Variants in ZNG1F observed in about 807,000 individuals in gnomAD.
The protein encoded by ZNG1F is zinc-regulated GTPase metalloprotein activator 1F.
chr9:41,183,735 G>C, the ZNG1F span: 1 of 1,600,094 alleles, frequency 6.2e-7, no homozygotes, highest in African/African-American at 1.4e-5. Context: ...ACAAAGATGA[G>C]GATAACTCAA....
At chr9:41,192,984 T>A in the ZNG1F span, among the ~76,000 whole-genome samples, 1 of 151,978 alleles carries the variant, frequency 6.6e-6, no homozygotes, top group Admixed American at 6.6e-5. Context: ...AGTAATGTTT[T>A]GAGCCCCTAA....
chr9:41,147,679 GAA>G, the ZNG1F span, among the ~76,000 whole-genome samples: 15 of 85,018 alleles, frequency 1.8e-4, no homozygotes, highest in East Asian at 3.2e-4. Flanking sequence ...TCTCCAAGGG[GAA>G]AAAAAAAAAA....
the ZNG1F span, among the ~76,000 whole-genome samples, chr9:41,195,678 T>A: frequency 9.0e-6 from 1 of 110,684 alleles, no homozygotes; most frequent in Admixed American, 1.1e-4. Flanking sequence ...TAAAAGAAAC[T>A]ATATTTTAGA....
chr9:41,203,081 G>A, the ZNG1F span, among the ~76,000 whole-genome samples: 1 of 152,242 alleles, frequency 6.6e-6, no homozygotes, highest in Non-Finnish European at 1.5e-5. Context: ...ATATATTTTT[G>A]GCAGGGATAC....
chr9:41,187,660 A>G, the ZNG1F span, among the ~76,000 whole-genome samples: 1 of 146,438 alleles, frequency 6.8e-6, no homozygotes, highest in African/African-American at 2.5e-5. Flanking sequence ...GGAGGCTTTT[A>G]GAGTATTCCA....
At chr9:41,132,004 G>A in the ZNG1F span, 2 of 623,740 alleles carry the variant, frequency 3.2e-6, no homozygotes, top group Non-Finnish European at 5.6e-6. Flanking sequence ...GTACATCAAA[G>A]TCACATTGGT....
At chr9:41,156,111 G>A in the ZNG1F span, among the ~76,000 whole-genome samples, 1 of 131,204 alleles carries the variant, frequency 7.6e-6, no homozygotes, top group African/African-American at 3.1e-5. Flanking sequence ...CATAGAAAGA[G>A]TATTAGACAT....
chr9:41,154,910 A>C, the ZNG1F span, among the ~76,000 whole-genome samples: 1 of 149,982 alleles, frequency 6.7e-6, no homozygotes, highest in Non-Finnish European at 1.5e-5. Context: ...CCTAGAAGAA[A>C]ACCTAGGCAT....
the ZNG1F span, chr9:41,174,362 T>A: frequency 6.2e-7 from 1 of 1,606,736 alleles, no homozygotes; most frequent in Non-Finnish European, 8.5e-7. Context: ...CGTGAAAATA[T>A]ATAATATTCA....
chr9:41,149,719 T>C, the ZNG1F span, among the ~76,000 whole-genome samples: 1 of 151,238 alleles, frequency 6.6e-6, no homozygotes, highest in Non-Finnish European at 1.5e-5. Flanking sequence ...AAAGCTTCAG[T>C]TCTAAAGAGT....
the ZNG1F span, chr9:41,174,308 C>T: frequency 0.015 from 23,051 of 1,582,456 alleles, 10 homozygotes; most frequent in Non-Finnish European, 0.015. Context: ...AGGTAAATAT[C>T]ACTCCCTAAT....
chr9:41,139,622 C>A, the ZNG1F span, among the ~76,000 whole-genome samples: 1 of 151,452 alleles, frequency 6.6e-6, no homozygotes, highest in Admixed American at 6.6e-5. Context: ...AAGAGAAGTA[C>A]AAGCAGACTA....
chr9:41,204,402 A>T, the ZNG1F span, among the ~76,000 whole-genome samples: 1 of 11,170 alleles, frequency 9.0e-5, no homozygotes, highest in Non-Finnish European at 3.1e-4. Context: ...ATATATATAT[A>T]TATATATATA....
the ZNG1F span, chr9:41,132,276 C>G: frequency 3.1e-6 from 5 of 1,604,624 alleles, no homozygotes; most frequent in South Asian, 3.3e-5. Context: ...TTCCAGCTCA[C>G]TGGAGTCTCC....
At chr9:41,203,002 G>A in the ZNG1F span, among the ~76,000 whole-genome samples, 1 of 152,130 alleles carries the variant, frequency 6.6e-6, no homozygotes, top group African/African-American at 2.4e-5. Flanking sequence ...AGGAGTACTG[G>A]TCAGTTGTTT....
the ZNG1F span, among the ~76,000 whole-genome samples, chr9:41,150,531 C>A: frequency 1.8e-5 from 2 of 112,450 alleles, no homozygotes; most frequent in East Asian, 2.8e-4. Context: ...GGCACAGACA[C>A]ACAAAAAGAC....
the ZNG1F span, among the ~76,000 whole-genome samples, chr9:41,138,082 G>C: frequency 5.0e-5 from 7 of 139,256 alleles, no homozygotes; most frequent in Middle Eastern, 3.5e-3. Context: ...TTGTTTTATA[G>C]GTCCTGTGAT....
chr9:41,193,449 C>T, the ZNG1F span, among the ~76,000 whole-genome samples: 20,910 of 123,000 alleles, frequency 0.17, 797 homozygotes, highest in South Asian at 0.26. Context: ...ATGCTAAGCA[C>T]CACAAAATCA....
At chr9:41,136,960 AT>A in the ZNG1F span, among the ~76,000 whole-genome samples, 1 of 64,630 alleles carries the variant, frequency 1.5e-5, no homozygotes, top group Non-Finnish European at 3.2e-5. Flanking sequence ...TTTTTGTTTC[AT>A]TTATCTTTTG....
Sources: gnomAD v4.1 joint callset for allele counts (sites outside exome capture counted in the v4.1 genomes callset) on GRCh38, gnomAD v4.1.1 for gene constraint, MANE v1.5 for transcripts, NCBI Gene and HGNC (gene_info 2026-07-23, HGNC 2026-07-21) for gene names.